The following ADAMTS2 variants were observed in gnomAD, a reference collection of about 807,000 sequenced individuals.
ADAMTS2 encodes A disintegrin and metalloproteinase with thrombospondin motifs 2.
A neutral mutation model predicts 123.0 loss-of-function variants in ADAMTS2; 50 were observed. The observed-to-expected ratio is 0.41, with a 90% CI of 0.32 to 0.51. The LOEUF (loss-of-function observed/expected upper bound fraction) is 0.51. ADAMTS2 is among the 20% of genes least tolerant of loss of function. ADAMTS2 has a pLI of 0.35. For synonymous variants in ADAMTS2, 678 were observed against 695.4 expected (o/e 0.98, Z 0.39); for missense variants, 1,494 against 1,705.2 (o/e 0.88, Z 2.18).
In ADAMTS2 at chr5:179,137,791, C is replaced by G. The variant is rs933173196; in HGVS notation, c.1929G>C (p.Trp643Cys). Residue 643 changes from tryptophan (W) to cysteine (C), a missense_variant, in exon 12 of 22, where the codon TGG becomes TGC. Physicochemically the swap from Trp to Cys is radical, Grantham distance 215. Transcript: ENST00000251582. ...CACCATCCCGGTGCTCGTGGGGCAGCCAGTGGTGCTGGGCGTCGCCGTGCT... is the reference window on the plus strand; with the variant it reads ...CACCATCCCGGTGCTCGTGGGGCAGGCAGTGGTGCTGGGCGTCGCCGTGCT... ...YFEHGDAQHH[W>C]LPHEHRDAKE... The G allele has an allele frequency of 1.3e-6, 2 of 1,577,632 alleles. No individual in the cohort carries two copies. The highest frequency in any genetic ancestry group is 2.7e-5 in the African/African-American group (2 of 74,010).
At chr5:179,306,849 G>A (rs2113568387) in intron 2 of ADAMTS2, among the ~76,000 whole-genome samples, 1 of 152,338 alleles carries the variant, frequency 6.6e-6, no homozygotes, top group South Asian at 2.1e-4. Flanking sequence ...GCAACTCCAT[G>A]AGATCGAGTC....
intron 3 of ADAMTS2, among the ~76,000 whole-genome samples, chr5:179,257,767 C>T (rs1485765325): frequency 6.6e-6 from 1 of 152,232 alleles, no homozygotes; most frequent in Non-Finnish European, 1.5e-5. Context: ...GTCCTGAGCG[C>T]CGTGGGCTCC....
chr5:179,236,555 C>T (rs747928904), intron 3 of ADAMTS2, among the ~76,000 whole-genome samples: 1 of 152,176 alleles, frequency 6.6e-6, no homozygotes, highest in Non-Finnish European at 1.5e-5. Flanking sequence ...CTTTGGAAGT[C>T]TGAGGCGGTA....
In ADAMTS2 at chr5:179,180,231, G is replaced by A. The variant is rs997268244; in HGVS notation, c.975+841C>T. 1.3e-5 allele frequency among the ~76,000 whole-genome samples: 2 copies of A among 152,288 alleles called. No individual in the cohort carries two copies. The highest frequency in any genetic ancestry group is 3.4e-3 in the Middle Eastern group (1 of 294). Reference sequence around the variant, plus strand: ...TCTTCCTCTGTCTGCACAGCATCCCGTGTTGCCATCCCAGGTCACTGTCCC... The same window carrying A: ...TCTTCCTCTGTCTGCACAGCATCCCATGTTGCCATCCCAGGTCACTGTCCC... On this transcript the variant is annotated intron_variant, in intron 5 of 21. Coordinates refer to ENST00000251582, the MANE Select transcript of ADAMTS2 (RefSeq NM_014244.5). This position sits in a 1 kb window ranked among gnomAD's most constrained non-coding sequence, Gnocchi z 4.6.
intron 3 of ADAMTS2, among the ~76,000 whole-genome samples, chr5:179,258,762 A>G (rs1766135939): frequency 6.6e-6 from 1 of 152,118 alleles, no homozygotes; most frequent in South Asian, 2.1e-4. Flanking sequence ...AGGTCCAGAC[A>G]GGGGTGGAGC....
chr5:179,319,464 A>G (rs1308178837), intron 2 of ADAMTS2, among the ~76,000 whole-genome samples: 11 of 151,972 alleles, frequency 7.2e-5, no homozygotes, highest in Admixed American at 4.6e-4. Context: ...GCACACATGC[A>G]TGACACTCAT....
At chr5:179,265,336 C>A (rs116655345) in intron 3 of ADAMTS2, among the ~76,000 whole-genome samples, 1 of 152,252 alleles carries the variant, frequency 6.6e-6, no homozygotes, top group East Asian at 1.9e-4. Context: ...GGAGAGGTGG[C>A]GGGGGAAGGG....
Position 179,130,168 on chromosome 5 carries a change from C to G in ADAMTS2, c.2291-70G>C. The stretch of plus-strand genomic sequence containing the variant: ...CAGGACCCAGGCCCACTGGTTTGGG[C>G]TGGTCGGGGAGTGGGGGCAGCTAGC... On this transcript the variant is annotated intron_variant, in intron 15 of 21. Coordinates refer to ENST00000251582, the MANE Select transcript of ADAMTS2 (RefSeq NM_014244.5). This position sits in a 1 kb window ranked among gnomAD's most constrained non-coding sequence, Gnocchi z 4.3. 1.9e-6 allele frequency: 3 copies of G among 1,600,178 alleles called. No individual in the cohort carries two copies. The highest frequency in any genetic ancestry group is 2.7e-5 in the African/African-American group (2 of 74,834).
chr5:179,147,867 A>G (rs3776816), intron 10 of ADAMTS2, among the ~76,000 whole-genome samples: 94,224 of 152,080 alleles, frequency 0.62, 29,246 homozygotes, highest in South Asian at 0.65. Context: ...CAGGAATGAA[A>G]AGAGAAGTGC....
chr5:179,199,726 G>A (rs530613391), intron 4 of ADAMTS2, among the ~76,000 whole-genome samples: 1 of 152,284 alleles, frequency 6.6e-6, no homozygotes, highest in Admixed American at 6.5e-5. Flanking sequence ...CAGCCTCCCT[G>A]AGTCTGGCTG....
At chr5:179,244,348 G>A (rs1340411840) in intron 3 of ADAMTS2, among the ~76,000 whole-genome samples, 1 of 152,236 alleles carries the variant, frequency 6.6e-6, no homozygotes, top group Non-Finnish European at 1.5e-5. Context: ...ATGGAAGCCA[G>A]AAGGCAGCAG....
chr5:179,342,097 G>T (rs60550200), intron 2 of ADAMTS2, among the ~76,000 whole-genome samples: 2 of 152,220 alleles, frequency 1.3e-5, no homozygotes. Flanking sequence ...TTGCTGACCA[G>T]TACAGGGGAT....
rs1756855358 is a variant in ADAMTS2 at position 179,312,303 on chromosome 5, A to AT, written c.534+31463_534+31464insA. Among the ~76,000 whole-genome samples the AT allele has an allele frequency of 6.6e-6, 1 of 151,758 alleles. No individual in the cohort carries two copies. Among genetic ancestry groups the AT allele is most frequent in the African/African-American group, 2.4e-5 (1 of 41,276 alleles). On this transcript the variant is annotated intron_variant, in intron 2 of 21. Transcript: ENST00000251582. The surrounding 1 kb of genome is among the most constrained non-coding windows in gnomAD (Gnocchi z 4.2). ...CCCCCAAATTCCGATGTTGAAAGCT[A>AT]CTCCCCCAAGGTGATATATTAGGAA... is the stretch of plus-strand genomic sequence containing the variant.
rs1765699348 is a variant in ADAMTS2 at position 179,242,819 on chromosome 5, C to T, written c.688+30092G>A. Among the ~76,000 whole-genome samples the T allele has an allele frequency of 6.6e-6, 1 of 152,174 alleles. No homozygotes were observed. Among genetic ancestry groups the T allele is most frequent in the Admixed American group, 6.5e-5 (1 of 15,272 alleles). ...TAGATGGGCCACCAGCGTTTCTCAT[C>T]ATCTCCAACTCCCAGTGACAGAGGG... On this transcript the variant is annotated intron_variant, in intron 3 of 21. Transcript: ENST00000251582. The surrounding 1 kb of genome is among the most constrained non-coding windows in gnomAD (Gnocchi z 4.2).
At position 179,129,639 on chromosome 5, in the gene ADAMTS2, C is replaced by T. The variant is rs1423307616; in HGVS notation, c.2457+293G>A. 2.0e-5 allele frequency among the ~76,000 whole-genome samples: 3 copies of T among 152,128 alleles called. No homozygotes were observed. Among genetic ancestry groups the T allele is most frequent in the Non-Finnish European group, 2.9e-5 (2 of 68,008 alleles). On this transcript the variant is annotated intron_variant, in intron 16 of 21. Coordinates refer to ENST00000251582, the MANE Select transcript of ADAMTS2 (RefSeq NM_014244.5). The surrounding 1 kb of genome is among the most constrained non-coding windows in gnomAD (Gnocchi z 4.1). The stretch of plus-strand genomic sequence containing the variant: ...ATTCCAATGTAACAGCACACTCGAA[C>T]GAGCATGCTGATGGCAGCTGTGAAT...
At chr5:179,215,569 A>G (rs528303923) in intron 3 of ADAMTS2, among the ~76,000 whole-genome samples, 3 of 152,246 alleles carry the variant, frequency 2.0e-5, no homozygotes, top group Non-Finnish European at 4.4e-5. Flanking sequence ...GAATCCCATT[A>G]AAAGTTCAGT....
rs57165474 is a variant in ADAMTS2 at position 179,262,079 on chromosome 5, T to G, written c.688+10832A>C. Among the ~76,000 whole-genome samples, 11 of 152,016 alleles carry G rather than the reference T, an allele frequency of 7.2e-5. No homozygotes were observed. The highest frequency in any genetic ancestry group is 2.7e-4 in the African/African-American group (11 of 41,472). On this transcript the variant is annotated intron_variant, in intron 3 of 21. Coordinates refer to ENST00000251582, the MANE Select transcript of ADAMTS2 (RefSeq NM_014244.5). This position sits in a 1 kb window ranked among gnomAD's most constrained non-coding sequence, Gnocchi z 5.9. The stretch of plus-strand genomic sequence containing the variant: ...GCACCTTCTTTCCTGGGAAAACACC[T>G]CCCTCTGGGCCAGGGCAGTGCAGAG...
At chr5:179,138,502 C>T (rs1373583788) in intron 11 of ADAMTS2, among the ~76,000 whole-genome samples, 5 of 152,218 alleles carry the variant, frequency 3.3e-5, no homozygotes, top group African/African-American at 7.2e-5. Context: ...AGGCGGGCTG[C>T]GTTTCTGCAA....
At chr5:179,319,771 C>T (rs1757104937) in intron 2 of ADAMTS2, among the ~76,000 whole-genome samples, 1 of 152,096 alleles carries the variant, frequency 6.6e-6, no homozygotes, top group East Asian at 1.9e-4. Flanking sequence ...CCAGAAACCA[C>T]AGGAAGCATG....
Sources: gnomAD v4.1 joint callset for allele counts (sites outside exome capture counted in the v4.1 genomes callset) on GRCh38, gnomAD v4.1.1 for gene constraint, Gnocchi (gnomAD v3.1) non-coding constraint, MANE v1.5 for transcripts, NCBI Gene and HGNC (gene_info 2026-07-23, HGNC 2026-07-21) for gene names.